The following FAM120A variants were observed in gnomAD, a reference collection of about 807,000 sequenced individuals.
FAM120A encodes constitutive coactivator of PPAR-gamma-like protein 1.
Under a neutral mutation model 109.7 loss-of-function variants are expected in FAM120A, and 15 were observed. The ratio of observed to expected loss-of-function variants is 0.14; its 90% CI spans 0.09 to 0.21. The LOEUF (loss-of-function observed/expected upper bound fraction) is 0.21, where lower values mean the gene tolerates loss of function less well. FAM120A is among the 10% of genes least tolerant of loss of function. FAM120A has a pLI of 1.00. For missense variants in FAM120A, 899 were observed against 1,439.3 expected (o/e 0.62, Z 6.07); for synonymous variants, 493 against 572.8 (o/e 0.86, Z 1.99).
chr9:93,483,653 T>C (rs1223589626), intron 3 of FAM120A, among the ~76,000 whole-genome samples: 3 of 152,212 alleles, frequency 2.0e-5, no homozygotes, highest in Non-Finnish European at 2.9e-5. Flanking sequence ...TTAGACAGAT[T>C]GATATTTGAT....
intron 10 of FAM120A, among the ~76,000 whole-genome samples, chr9:93,538,723 A>C (rs1861602681): frequency 6.6e-6 from 1 of 152,230 alleles, no homozygotes; most frequent in Non-Finnish European, 1.5e-5. Context: ...CACTCCAGCA[A>C]GTTGGGATTG....
In FAM120A at chr9:93,452,009, G is replaced by C. The variant is rs936964515; in HGVS notation, c.94G>C (p.Val32Leu). ...GCAGAAGCTGGCCCGGGGCAGCCTG[G>C]TGGGCGGCGGGCGGCAGCGGCCCCC... ...ELQKLARGSLVGGGRQRPPQT... is the reference protein window; with the variant it reads ...ELQKLARGSLLGGGRQRPPQT... Residue 32 changes from valine to leucine, a missense_variant, in exon 1 of 18, where the codon GTG (valine) becomes CTG (leucine). Val to Leu is a conservative substitution (Grantham distance 32). Around this residue, in one of 11 missense-constraint regions of FAM120A, gnomAD observed 258 missense variants for 451.4 expected, o/e 0.57. Transcript: ENST00000277165. The surrounding 1 kb of genome is among the most constrained non-coding windows in gnomAD (Gnocchi z 7.0). The C allele has an allele frequency of 6.4e-7, 1 of 1,555,240 alleles. No individual in the cohort carries two copies. The highest frequency in any genetic ancestry group is 2.0e-5 in the Admixed American group (1 of 51,120).
intron 12 of FAM120A, among the ~76,000 whole-genome samples, chr9:93,554,555 C>T (rs1463117928): frequency 6.6e-6 from 1 of 152,132 alleles, no homozygotes; most frequent in Non-Finnish European, 1.5e-5. Context: ...CGTCTGTAAT[C>T]CCAGCTACTA....
Position 93,451,825 on chromosome 9 carries a change from C to T in FAM120A, c.-91C>T, listed in dbSNP as rs1228608565. 3.9e-5 allele frequency: 38 copies of T among 968,978 alleles called. No homozygotes were observed. Among genetic ancestry groups the T allele is most frequent in the African/African-American group, 5.4e-5 (3 of 55,888 alleles). The allele number at this position is 968,978 out of a possible 1,614,324, so 60.0% of individuals were successfully genotyped here. A position where few individuals can be genotyped will look rare whatever the true frequency, so the allele number is the denominator to read the frequency against. ...CAGTCCCCCCTAGAGGCCGCCGCCC[C>T]CGCCCGCCAGCCCGCCCGCGCGCCA... On this transcript the variant is annotated 5_prime_UTR_variant, in exon 1 of 18. Coordinates refer to ENST00000277165, the MANE Select transcript of FAM120A (RefSeq NM_014612.5).
At chr9:93,559,877 A>C (rs1862412594) in intron 15 of FAM120A, among the ~76,000 whole-genome samples, 1 of 152,242 alleles carries the variant, frequency 6.6e-6, no homozygotes, top group Admixed American at 6.5e-5. Context: ...TCAGATTTGC[A>C]CTGCCTAGTA....
chr9:93,453,581 T>C (rs928635922), intron 1 of FAM120A: 3 of 985,300 alleles, frequency 3.0e-6, no homozygotes, highest in African/African-American at 1.7e-5. Context: ...TAGTTAAGCC[T>C]AAAATGATAG....
intron 11 of FAM120A, among the ~76,000 whole-genome samples, chr9:93,545,493 C>A (rs1861846530): frequency 6.6e-6 from 1 of 152,196 alleles, no homozygotes; most frequent in Non-Finnish European, 1.5e-5. Flanking sequence ...CTGTGTGGTG[C>A]AGTCCCTATT....
rs544373219 is a variant in FAM120A at position 93,509,196 on chromosome 9, C to T, written c.1031-6471C>T. The stretch of plus-strand genomic sequence containing the variant: ...GAAAGAGACCACATGGTGGCCCACA[C>T]TGCCCCAGGCCATGCCTGGCTGACA... On this transcript the variant is annotated intron_variant, in intron 5 of 17. Coordinates refer to ENST00000277165, the MANE Select transcript of FAM120A (RefSeq NM_014612.5). 1.9e-3 allele frequency among the ~76,000 whole-genome samples: 293 copies of T among 152,384 alleles called. 1 individual carries two copies. Among genetic ancestry groups the T allele is most frequent in the Non-Finnish European group, 2.7e-3 (185 of 68,044 alleles).
At position 93,494,202 on chromosome 9, in the gene FAM120A, A is replaced by G. The variant is rs562495704; in HGVS notation, c.805-3269A>G. Among the ~76,000 whole-genome samples the G allele has an allele frequency of 3.9e-5, 6 of 152,248 alleles. No homozygotes were observed. In the South Asian group the frequency reaches 8.3e-4, roughly 21 times the overall value. On this transcript the variant is annotated intron_variant, in intron 3 of 17. Transcript: ENST00000277165. ...GTGCCCTGCAGAGAGGCCTCTCGCC[A>G]ATCGGACTTTGGATTTGTGCTGTGC...
intron 1 of FAM120A, among the ~76,000 whole-genome samples, chr9:93,466,566 T>C (rs897693083): frequency 3.9e-5 from 6 of 151,980 alleles, no homozygotes; most frequent in African/African-American, 1.2e-4. Context: ...AGAAGGTGCC[T>C]GGAAACCTTG....
chr9:93,527,276 T>G, intron 8 of FAM120A, 34 bp downstream of exon 8: 1 of 1,505,664 alleles, frequency 6.6e-7, no homozygotes, highest in Non-Finnish European at 9.2e-7. Context: ...TTTTGAGTTC[T>G]GACTCATTTT....
At chr9:93,477,871 CT>C (rs1341137463) in intron 3 of FAM120A, among the ~76,000 whole-genome samples, 2 of 152,076 alleles carry the variant, frequency 1.3e-5, no homozygotes, top group African/African-American at 4.8e-5. Flanking sequence ...TGTGTTTTTC[CT>C]AAATTTTGTT....
chr9:93,550,152 A>G (rs963558820), intron 11 of FAM120A, among the ~76,000 whole-genome samples: 1 of 152,130 alleles, frequency 6.6e-6, no homozygotes, highest in African/African-American at 2.4e-5. Flanking sequence ...TGGCCAGGCA[A>G]TGGTCTTTGC....
At chr9:93,464,579 A>G (rs1457739814) in intron 1 of FAM120A, among the ~76,000 whole-genome samples, 1 of 152,150 alleles carries the variant, frequency 6.6e-6, no homozygotes, top group Non-Finnish European at 1.5e-5. Flanking sequence ...CTGAAGCCTA[A>G]TGCTCCTCGG....
At chr9:93,531,196 TA>T (rs1199381889) in intron 9 of FAM120A, 2 of 152,200 alleles carry the variant, frequency 1.3e-5, no homozygotes, top group African/African-American at 4.8e-5. Flanking sequence ...ATGAGAGTGT[TA>T]GAACACATGT....
chr9:93,548,599 A>G (rs1471221216), intron 11 of FAM120A, among the ~76,000 whole-genome samples: 1 of 152,234 alleles, frequency 6.6e-6, no homozygotes, highest in East Asian at 1.9e-4. Flanking sequence ...TTTTACCTCA[A>G]TTAAAAAATA....
intron 1 of FAM120A, among the ~76,000 whole-genome samples, chr9:93,459,963 A>C (rs964158049): frequency 2.6e-5 from 4 of 152,254 alleles, no homozygotes; most frequent in Non-Finnish European, 5.9e-5. Flanking sequence ...AGAGATGTCC[A>C]AGTACACCAG....
chr9:93,497,399 G>T (rs915039542), intron 3 of FAM120A, 72 bp from the exon 4 acceptor site: 1 of 1,569,936 alleles, frequency 6.4e-7, no homozygotes, highest in African/African-American at 1.4e-5. Context: ...TGAATTTCTG[G>T]CTCCTGCATT....
At chr9:93,509,551 T>C (rs1860220658) in intron 5 of FAM120A, among the ~76,000 whole-genome samples, 1 of 152,258 alleles carries the variant, frequency 6.6e-6, no homozygotes, top group South Asian at 2.1e-4. Flanking sequence ...AAAAATTTTA[T>C]TTTCATGAGG....
Sources: allele counts gnomAD v4.1 joint callset (sites outside exome capture counted in the v4.1 genomes callset), GRCh38; gene constraint gnomAD v4.1.1; regional missense constraint gnomAD v4.1.1; non-coding constraint Gnocchi (gnomAD v3.1); transcripts MANE v1.5; gene names NCBI Gene and HGNC (gene_info 2026-07-23, HGNC 2026-07-21).